Variants in TMEM150C observed in about 807,000 individuals in gnomAD.
TMEM150C encodes transmembrane protein 150C.
A neutral mutation model predicts 29.9 loss-of-function variants in TMEM150C; 10 were observed. That is an observed-to-expected ratio of 0.33 (90% CI 0.21 to 0.57). TMEM150C has a LOEUF of 0.57. TMEM150C is among the 20% of genes least tolerant of loss of function. The pLI, the probability that TMEM150C is intolerant of heterozygous loss-of-function variation, is 0.88. For missense variants in TMEM150C, 251 were observed against 303.6 expected (o/e 0.83, Z 1.29); for synonymous variants, 101 against 112.5 (o/e 0.90, Z 0.64).
At chr4:82,511,253 T>C (rs1025095558) in intron 1 of TMEM150C, among the ~76,000 whole-genome samples, 1 of 152,204 alleles carries the variant, frequency 6.6e-6, no homozygotes, top group African/African-American at 2.4e-5. Context: ...AGAAACAATA[T>C]GTAGTAAAAG....
intron 1 of TMEM150C, among the ~76,000 whole-genome samples, chr4:82,556,503 G>A (rs1489318414): frequency 6.6e-6 from 1 of 152,142 alleles, no homozygotes; most frequent in African/African-American, 2.4e-5. Flanking sequence ...AGTAAGTGTT[G>A]TAAGAAAAAT....
At position 82,533,263 on chromosome 4, in the gene TMEM150C, T is replaced by C. The variant is rs192754239; in HGVS notation, c.-10-28596A>G. ...CATTTATATATTTGTATGAGAGCCA[T>C]GAATTTATCTTTTTCTGACAACTAT... On this transcript the variant is annotated intron_variant, in intron 1 of 7. Transcript: ENST00000449862. Among the ~76,000 whole-genome samples, 23 of 152,356 alleles carry C rather than the reference T, an allele frequency of 1.5e-4. No individual in the cohort carries two copies. The East Asian group carries it at 3.1e-3, about 20-fold the overall frequency.
chr4:82,486,339 A>AAAAAAG (rs1164908030), intron 7 of TMEM150C, among the ~76,000 whole-genome samples: 2 of 147,454 alleles, frequency 1.4e-5, no homozygotes, highest in African/African-American at 5.0e-5. Flanking sequence ...CCATCTTAAA[A>AAAAAAG]AAAAAAAAAA....
At chr4:82,510,897 T>C (rs1390965290) in intron 1 of TMEM150C, among the ~76,000 whole-genome samples, 1 of 152,212 alleles carries the variant, frequency 6.6e-6, no homozygotes, top group African/African-American at 2.4e-5. Context: ...TTCTTTTGTG[T>C]CATGGGCAAG....
At chr4:82,542,065 G>A (rs1725218980) in intron 1 of TMEM150C, among the ~76,000 whole-genome samples, 1 of 152,134 alleles carries the variant, frequency 6.6e-6, no homozygotes, top group African/African-American at 2.4e-5. Context: ...CAACTGGAAA[G>A]CTTATAATAA....
chr4:82,517,091 C>T (rs1048646481), intron 1 of TMEM150C, among the ~76,000 whole-genome samples: 1 of 152,230 alleles, frequency 6.6e-6, no homozygotes. Flanking sequence ...TGGTGCTCCA[C>T]ACACCTCGTG....
chr4:82,537,140 C>T (rs1192207367), intron 1 of TMEM150C, among the ~76,000 whole-genome samples: 2 of 152,078 alleles, frequency 1.3e-5, no homozygotes, highest in Non-Finnish European at 2.9e-5. Context: ...AGCCACCACA[C>T]CCGGCTAATT....
chr4:82,496,790 C>A (rs995586678), intron 5 of TMEM150C, among the ~76,000 whole-genome samples: 4 of 152,170 alleles, frequency 2.6e-5, no homozygotes, highest in African/African-American at 9.7e-5. Context: ...GGAAAATGTA[C>A]AAGTTCCTTT....
At chr4:82,544,275 TAA>T in intron 1 of TMEM150C, among the ~76,000 whole-genome samples, 1 of 152,196 alleles carries the variant, frequency 6.6e-6, no homozygotes, top group East Asian at 1.9e-4. Flanking sequence ...TGGAGGGTGA[TAA>T]TAGAGGCCTC....
intron 1 of TMEM150C, among the ~76,000 whole-genome samples, chr4:82,539,859 AACT>A (rs1337795719): frequency 6.6e-6 from 1 of 152,196 alleles, no homozygotes; most frequent in Non-Finnish European, 1.5e-5. Flanking sequence ...AATCCCACAA[AACT>A]ACTAAGAGAC....
intron 2 of TMEM150C, among the ~76,000 whole-genome samples, chr4:82,503,818 T>G (rs1472054310): frequency 6.6e-6 from 1 of 151,554 alleles, no homozygotes; most frequent in Non-Finnish European, 1.5e-5. Context: ...CCACTGCACT[T>G]CAGCCTGGCA....
intron 2 of TMEM150C, among the ~76,000 whole-genome samples, chr4:82,504,150 G>C (rs1194264840): frequency 6.6e-6 from 1 of 151,982 alleles, no homozygotes; most frequent in Non-Finnish European, 1.5e-5. Flanking sequence ...GGTTGAATTA[G>C]TAAAATATAT....
intron 1 of TMEM150C, among the ~76,000 whole-genome samples, chr4:82,548,727 C>A (rs1319237229): frequency 6.6e-6 from 1 of 152,180 alleles, no homozygotes; most frequent in Non-Finnish European, 1.5e-5. Context: ...GGAAACTAAC[C>A]CAGCACTGGG....
intron 5 of TMEM150C, among the ~76,000 whole-genome samples, chr4:82,500,233 T>G (rs915955938): frequency 6.6e-6 from 1 of 152,234 alleles, no homozygotes; most frequent in African/African-American, 2.4e-5. Flanking sequence ...ATTTTTAGAT[T>G]GTAAAGTATA....
chr4:82,488,652 C>A (rs1024211752), intron 7 of TMEM150C, among the ~76,000 whole-genome samples: 1 of 152,118 alleles, frequency 6.6e-6, no homozygotes, highest in African/African-American at 2.4e-5. Flanking sequence ...CTCACTCTGT[C>A]ACCCAGGCTG....
intron 5 of TMEM150C, among the ~76,000 whole-genome samples, chr4:82,502,009 G>A (rs1444746978): frequency 6.6e-6 from 1 of 152,146 alleles, no homozygotes; most frequent in Non-Finnish European, 1.5e-5. Flanking sequence ...TTGACTCTTG[G>A]AGAGACACTG....
chr4:82,485,596 A>G lies in TMEM150C; in HGVS notation c.665T>C (p.Ile222Thr). The G allele has an allele frequency of 6.2e-7, 1 of 1,611,366 alleles. No individual in the cohort carries two copies. The highest frequency in any genetic ancestry group is 8.5e-7 in the Non-Finnish European group (1 of 1,178,798). Residue 222 changes from isoleucine to threonine, a missense_variant, in exon 8 of 8, where the codon ATT becomes ACT. Ile to Thr is a moderately conservative substitution (Grantham distance 89). Transcript: ENST00000449862. ...ATTCTCCTGGTACTCAGAGCAAACA[A>G]TCTCATAGCGGTAATGCCGGAACTC... ...AVEFRHYRYE[I>T]VCSEYQENFL...
intron 1 of TMEM150C, among the ~76,000 whole-genome samples, chr4:82,540,697 A>AT (rs974635067): frequency 3.3e-5 from 5 of 152,050 alleles, no homozygotes; most frequent in East Asian, 3.9e-4. Context: ...GTTGTGTGCT[A>AT]TTTTTTAATT....
At chr4:82,515,878 G>A (rs1264701885) in intron 1 of TMEM150C, among the ~76,000 whole-genome samples, 1 of 151,930 alleles carries the variant, frequency 6.6e-6, no homozygotes, top group Non-Finnish European at 1.5e-5. Context: ...CTGAAAATGA[G>A]ATCCTTGTGC....
Sources: gnomAD v4.1 joint callset for allele counts (sites outside exome capture counted in the v4.1 genomes callset) on GRCh38, gnomAD v4.1.1 for gene constraint, MANE v1.5 for transcripts, NCBI Gene and HGNC (gene_info 2026-07-23, HGNC 2026-07-21) for gene names.